The following LINGO2 variants were observed in gnomAD, a reference collection of about 807,000 sequenced individuals.
LINGO2 encodes leucine rich repeat and Ig domain containing 2.
In LINGO2, 14 loss-of-function variants were observed where a neutral mutation model predicts 30.6. The ratio of observed to expected loss-of-function variants is 0.46; its 90% CI spans 0.30 to 0.72. LINGO2 has a LOEUF of 0.72. Ranked by LOEUF, LINGO2 falls within the 30% of genes least tolerant of loss-of-function variation. The probability of loss-of-function intolerance (pLI) is 0.07; values close to 1 mark genes in which losing one functional copy is unlikely to be tolerated. For missense variants in LINGO2, 729 were observed against 751.7 expected, an observed-to-expected ratio of 0.97 and a Z score of 0.35; for synonymous variants, 317 against 288.5, an observed-to-expected ratio of 1.10 and a Z score of -1.00.
chr9:28,461,630 A>G (rs1369830807), intron 2 of LINGO2, among the ~76,000 whole-genome samples: 2 of 152,166 alleles, frequency 1.3e-5, no homozygotes, highest in Non-Finnish European at 1.5e-5. Flanking sequence ...CTGATGCATC[A>G]GCTGATCTGA....
At chr9:28,841,018 G>GT in the LINGO2 span, among the ~76,000 whole-genome samples, 1 of 151,644 alleles carries the variant, frequency 6.6e-6, no homozygotes, top group Non-Finnish European at 1.5e-5. Flanking sequence ...TTCTTGTTTT[G>GT]TTTTTTCAGG....
intron 5 of LINGO2, among the ~76,000 whole-genome samples, chr9:28,003,741 C>G (rs953904741): frequency 1.2e-4 from 19 of 152,120 alleles, no homozygotes; most frequent in African/African-American, 4.3e-4. Flanking sequence ...GTTTTTGTAA[C>G]TAGAAATATG....
chr9:28,642,638 C>A (rs1436307294), intron 1 of LINGO2, among the ~76,000 whole-genome samples: 1 of 151,898 alleles, frequency 6.6e-6, no homozygotes, highest in East Asian at 1.9e-4. Context: ...TCTGTTATCA[C>A]AAAAATGCAT....
intron 5 of LINGO2, among the ~76,000 whole-genome samples, chr9:28,007,568 TG>T (rs1822328656): frequency 6.6e-6 from 1 of 152,280 alleles, no homozygotes; most frequent in African/African-American, 2.4e-5. Flanking sequence ...TAAGATAAAA[TG>T]GCTATGGGGA....
intron 5 of LINGO2, among the ~76,000 whole-genome samples, chr9:28,000,170 T>C (rs1821875745): frequency 6.6e-6 from 1 of 152,176 alleles, no homozygotes; most frequent in African/African-American, 2.4e-5. Context: ...ATGGAGGGTA[T>C]TGTATTAAAT....
chr9:28,545,059 T>C (rs1325810917), intron 1 of LINGO2, among the ~76,000 whole-genome samples: 3 of 152,048 alleles, frequency 2.0e-5, no homozygotes, highest in Admixed American at 6.6e-5. Context: ...TTGAGAATTA[T>C]TCTCTGCACT....
intron 4 of LINGO2, among the ~76,000 whole-genome samples, chr9:28,013,944 T>G (rs902511364): frequency 1.3e-5 from 2 of 152,118 alleles, no homozygotes; most frequent in Admixed American, 6.5e-5. Flanking sequence ...CTGCAGTTCC[T>G]AGAAAGAAAT....
At chr9:28,035,140 C>T (rs1823869669) in intron 4 of LINGO2, among the ~76,000 whole-genome samples, 2 of 152,180 alleles carry the variant, frequency 1.3e-5, no homozygotes, top group South Asian at 2.1e-4. Context: ...AAAATCAACC[C>T]TCAGGGTCTT....
chr9:27,972,958 T>C (rs531268124), intron 5 of LINGO2, among the ~76,000 whole-genome samples: 1 of 151,970 alleles, frequency 6.6e-6, no homozygotes, highest in South Asian at 2.1e-4. Flanking sequence ...ACAACAAGGC[T>C]GAAAAAAAGC....
At chr9:28,296,801 C>T (rs1823939824) in intron 3 of LINGO2, among the ~76,000 whole-genome samples, 1 of 152,194 alleles carries the variant, frequency 6.6e-6, no homozygotes, top group African/African-American at 2.4e-5. Context: ...CCTCAACACA[C>T]ACACGTCTAA....
chr9:28,612,930 GAGACC>G (rs1403601979), intron 1 of LINGO2, among the ~76,000 whole-genome samples: 1 of 152,136 alleles, frequency 6.6e-6, no homozygotes, highest in East Asian at 1.9e-4. Context: ...TGTCAAGGGA[GAGACC>G]AGGTGGAGAT....
At chr9:29,206,447 C>G in the LINGO2 span, among the ~76,000 whole-genome samples, 1 of 152,166 alleles carries the variant, frequency 6.6e-6, no homozygotes, top group African/African-American at 2.4e-5. Context: ...TGTCCCAACT[C>G]AGCAGCAAAG....
intron 1 of LINGO2, among the ~76,000 whole-genome samples, chr9:28,512,335 G>T (rs563424337): frequency 6.6e-6 from 1 of 151,778 alleles, no homozygotes; most frequent in African/African-American, 2.4e-5. Flanking sequence ...AGATGACAGG[G>T]TCTTGCTCCA....
At chr9:28,743,843 T>C in the LINGO2 span, among the ~76,000 whole-genome samples, 2 of 151,838 alleles carry the variant, frequency 1.3e-5, no homozygotes, top group African/African-American at 4.8e-5. Flanking sequence ...CTTGGATACA[T>C]AGAATAAGAT....
the LINGO2 span, among the ~76,000 whole-genome samples, chr9:28,840,295 A>G: frequency 1.3e-5 from 2 of 151,928 alleles, no homozygotes; most frequent in East Asian, 1.9e-4. Flanking sequence ...TGCAGCCCCA[A>G]CTGCACCTCC....
the LINGO2 span, among the ~76,000 whole-genome samples, chr9:29,207,853 A>T: frequency 6.6e-6 from 1 of 152,034 alleles, no homozygotes; most frequent in African/African-American, 2.4e-5. Context: ...ATCCTAGCGA[A>T]CCTCATATTT....
chr9:28,571,986 T>C (rs1823718359), intron 1 of LINGO2, among the ~76,000 whole-genome samples: 1 of 152,000 alleles, frequency 6.6e-6, no homozygotes, highest in Admixed American at 6.6e-5. Flanking sequence ...GCATGCAGGA[T>C]TGCCATAACC....
At chr9:28,023,849 A>C (rs1297913863) in intron 4 of LINGO2, among the ~76,000 whole-genome samples, 1 of 152,186 alleles carries the variant, frequency 6.6e-6, no homozygotes. Context: ...ATTATGCCAC[A>C]CAGGAATTTT....
chr9:28,636,061 G>A (rs1827253976), intron 1 of LINGO2, among the ~76,000 whole-genome samples: 1 of 152,014 alleles, frequency 6.6e-6, no homozygotes, highest in Non-Finnish European at 1.5e-5. Flanking sequence ...ACCTATGAGT[G>A]AGAACATGCA....
Sources: gnomAD v4.1 joint callset for allele counts (sites outside exome capture counted in the v4.1 genomes callset) on GRCh38, gnomAD v4.1.1 for gene constraint, MANE v1.5 for transcripts, NCBI Gene and HGNC (gene_info 2026-07-23, HGNC 2026-07-21) for gene names.